The following ATE1 variants were observed in gnomAD, a reference collection of about 807,000 sequenced individuals.
ATE1 encodes arginyltransferase 1.
A neutral mutation model predicts 70.5 loss-of-function variants in ATE1; 36 were observed. The observed-to-expected ratio is 0.51, with a 90% confidence interval of 0.39 to 0.67. The LOEUF (loss-of-function observed/expected upper bound fraction) is 0.67. Among genes scored for constraint, ATE1 ranks in the 30% least tolerant of loss-of-function variants. The pLI, the probability that ATE1 is intolerant of heterozygous loss-of-function variation, is 0.00. For missense variants in ATE1, 593 were observed against 629.5 expected (o/e 0.94, Z 0.62); for synonymous variants, 232 against 219.3 (o/e 1.06, Z -0.51).
chr10:121,858,002 C>T (rs1234993036), intron 8 of ATE1, among the ~76,000 whole-genome samples: 1 of 152,100 alleles, frequency 6.6e-6, no homozygotes, highest in Admixed American at 6.6e-5. Flanking sequence ...GTTCATTCAC[C>T]ATGTGTGATT....
chr10:121,834,470 T>C (rs1948360769), intron 10 of ATE1, among the ~76,000 whole-genome samples: 1 of 152,172 alleles, frequency 6.6e-6, no homozygotes, highest in African/African-American at 2.4e-5. Flanking sequence ...GCTATAATTC[T>C]TATGGATTTG....
At chr10:121,765,745 A>G (rs912122539) in intron 11 of ATE1, among the ~76,000 whole-genome samples, 1 of 152,238 alleles carries the variant, frequency 6.6e-6, no homozygotes, top group African/African-American at 2.4e-5. Flanking sequence ...CAGGTGCAAT[A>G]AGAATATACA....
intron 11 of ATE1, among the ~76,000 whole-genome samples, chr10:121,780,490 C>G (rs1237956467): frequency 6.6e-6 from 1 of 152,242 alleles, no homozygotes; most frequent in Non-Finnish European, 1.5e-5. Flanking sequence ...CTTCTTAACT[C>G]TGCTCTTAAC....
intron 10 of ATE1, among the ~76,000 whole-genome samples, chr10:121,816,842 G>A (rs1040338196): frequency 5.3e-5 from 8 of 152,248 alleles, no homozygotes; most frequent in African/African-American, 1.4e-4. Flanking sequence ...CTAAAAAGAA[G>A]CCTTTCATCC....
At chr10:121,794,583 C>T (rs557401279) in intron 10 of ATE1, among the ~76,000 whole-genome samples, 3 of 116,698 alleles carry the variant, frequency 2.6e-5, no homozygotes, top group African/African-American at 3.3e-5. Flanking sequence ...CACTGCACTC[C>T]AGATCAGGTG....
chr10:121,776,054 G>A (rs1352257594), intron 11 of ATE1, among the ~76,000 whole-genome samples: 1 of 152,040 alleles, frequency 6.6e-6, no homozygotes, highest in East Asian at 1.9e-4. Context: ...CACAATAGTT[G>A]TACATACCCA....
chr10:121,862,656 G>A (rs1949518546), intron 8 of ATE1, among the ~76,000 whole-genome samples: 1 of 143,984 alleles, frequency 6.9e-6, no homozygotes. Context: ...TTACAAGCAT[G>A]AGCTAACGCG....
At position 121,924,258 on chromosome 10, in the gene ATE1, A is replaced by G; in HGVS notation, c.170+8T>C. On this transcript the variant is annotated splice_region_variant and intron_variant, in intron 2 of 11. Transcript: ENST00000224652. ...AGTAGGAAGTCTCTTTGTATCTGGA[A>G]GCTTTACCTTCGCCATCCTCGGTCT... is the stretch of plus-strand genomic sequence containing the variant. The G allele has an allele frequency of 6.2e-7, 1 of 1,612,928 alleles. No homozygotes were observed. The highest frequency in any genetic ancestry group is 8.5e-7 in the Non-Finnish European group (1 of 1,178,926).
intron 7 of ATE1, chr10:121,899,099 A>T: frequency 9.2e-7 from 1 of 1,092,560 alleles, no homozygotes; most frequent in South Asian, 1.8e-5. Flanking sequence ...CATGAAAAGA[A>T]ACCTTAGACG....
chr10:121,854,785 C>T (rs1949184466), intron 8 of ATE1, among the ~76,000 whole-genome samples: 4 of 152,170 alleles, frequency 2.6e-5, no homozygotes, highest in Admixed American at 2.6e-4. Context: ...ATAGAGCAGC[C>T]TGGCGAAAAC....
intron 11 of ATE1, among the ~76,000 whole-genome samples, chr10:121,774,807 T>C (rs535586051): frequency 6.0e-5 from 9 of 150,214 alleles, no homozygotes; most frequent in African/African-American, 2.0e-4. Context: ...GCTGATGAAA[T>C]TATCTGTGCA....
At chr10:121,826,693 G>T (rs1045631364) in intron 10 of ATE1, among the ~76,000 whole-genome samples, 6 of 152,180 alleles carry the variant, frequency 3.9e-5, no homozygotes, top group Admixed American at 1.3e-4. Context: ...GTTGAGGTTT[G>T]GCGTACAAAT....
intron 11 of ATE1, among the ~76,000 whole-genome samples, chr10:121,765,767 G>A (rs1220135644): frequency 6.6e-6 from 1 of 152,104 alleles, no homozygotes; most frequent in Non-Finnish European, 1.5e-5. Flanking sequence ...AATAACCTCG[G>A]TTGTCACTTT....
chr10:121,905,567 C>T (rs1590688861), intron 5 of ATE1, among the ~76,000 whole-genome samples: 1 of 152,248 alleles, frequency 6.6e-6, no homozygotes, highest in Non-Finnish European at 1.5e-5. Context: ...TCAGGCGGGG[C>T]TCAGTGGCTC....
At chr10:121,860,893 T>C (rs1406428436) in intron 8 of ATE1, among the ~76,000 whole-genome samples, 1 of 152,198 alleles carries the variant, frequency 6.6e-6, no homozygotes, top group Non-Finnish European at 1.5e-5. Flanking sequence ...ATGTGAGCCC[T>C]TACTTAACGT....
At chr10:121,842,400 A>G (rs541445207) in intron 8 of ATE1, among the ~76,000 whole-genome samples, 3 of 152,316 alleles carry the variant, frequency 2.0e-5, no homozygotes, top group Non-Finnish European at 4.4e-5. Context: ...GTGAACAAAT[A>G]TAATACTACT....
At chr10:121,775,964 A>AT (rs1177690607) in intron 11 of ATE1, among the ~76,000 whole-genome samples, 2 of 152,102 alleles carry the variant, frequency 1.3e-5, no homozygotes, top group Non-Finnish European at 1.5e-5. Flanking sequence ...CTTCTAGTTC[A>AT]TTTTTTCTCA....
chr10:121,924,595 G>C (rs534707926), intron 1 of ATE1, among the ~76,000 whole-genome samples: 11 of 151,272 alleles, frequency 7.3e-5, no homozygotes, highest in African/African-American at 2.4e-4. Flanking sequence ...AGCTACTCAA[G>C]AGGCTGCAGC....
intron 8 of ATE1, among the ~76,000 whole-genome samples, chr10:121,855,220 T>G (rs528545328): frequency 3.9e-4 from 59 of 152,338 alleles, no homozygotes; most frequent in Middle Eastern, 3.4e-3. Flanking sequence ...TCACTCTGTG[T>G]CCACACTCCT....
Sources: allele counts gnomAD v4.1 joint callset (sites outside exome capture counted in the v4.1 genomes callset), GRCh38; gene constraint gnomAD v4.1.1; transcripts MANE v1.5; gene names NCBI Gene and HGNC (gene_info 2026-07-23, HGNC 2026-07-21).